Variants in SCTR observed in about 807,000 individuals in gnomAD.
SCTR encodes the protein secretin receptor.
A neutral mutation model predicts 60.8 loss-of-function variants in SCTR; 56 were observed. The ratio of observed to expected loss-of-function variants is 0.92; its 90% CI spans 0.74 to 1.15. SCTR has a LOEUF of 1.15. SCTR is among the 50% of genes most tolerant of loss of function. The pLI, the probability that SCTR is intolerant of heterozygous loss-of-function variation, is 0.00. For synonymous variants in SCTR, 202 were observed against 217.0 expected (o/e 0.93, Z 0.61); for missense variants, 562 against 550.4 (o/e 1.02, Z -0.21).
chr2:119,440,015 G>C lies in SCTR; in HGVS notation c.*102C>G, dbSNP rs946416810. On this transcript the variant is annotated 3_prime_UTR_variant, in exon 13 of 13. Coordinates refer to ENST00000019103, the MANE Select transcript of SCTR (RefSeq NM_002980.3). ...GGAGGGGCATCTTCAGCTGAAGGAG[G>C]ACACAGGGTGTCTGCTGGGAAGACT... The C allele has an allele frequency of 1.7e-5, 22 of 1,257,634 alleles. No homozygotes were observed. The highest frequency in any genetic ancestry group is 2.4e-5 in the Non-Finnish European group (22 of 903,126). 77.9% of individuals were successfully genotyped at this position (1,257,634 alleles called of 1,614,324 possible). A position where few individuals can be genotyped will look rare whatever the true frequency, so the allele number is the denominator to read the frequency against.
At chr2:119,482,863 G>A (rs1677691918) in intron 2 of SCTR, among the ~76,000 whole-genome samples, 1 of 152,212 alleles carries the variant, frequency 6.6e-6, no homozygotes, top group South Asian at 2.1e-4. Context: ...GGGTGACCCA[G>A]AGCCCTCTTT....
intron 1 of SCTR, among the ~76,000 whole-genome samples, chr2:119,523,296 G>T (rs896701398): frequency 1.4e-4 from 22 of 151,844 alleles, no homozygotes; most frequent in Non-Finnish European, 3.2e-4. Context: ...TGGTCTGGGT[G>T]GGGCCACTCT....
intron 2 of SCTR, among the ~76,000 whole-genome samples, chr2:119,488,296 C>T (rs544382586): frequency 1.8e-4 from 28 of 152,308 alleles, no homozygotes; most frequent in African/African-American, 5.3e-4. Context: ...TTGGTTCAGC[C>T]GCCAGGGCCT....
intron 6 of SCTR, among the ~76,000 whole-genome samples, chr2:119,463,295 A>T (rs536754081): frequency 6.6e-6 from 1 of 152,320 alleles, no homozygotes; most frequent in South Asian, 2.1e-4. Context: ...GTTTCTGGGG[A>T]AGGTGCCCTT....
intron 4 of SCTR, among the ~76,000 whole-genome samples, chr2:119,470,094 C>T (rs1428190887): frequency 1.3e-5 from 2 of 152,152 alleles, no homozygotes; most frequent in East Asian, 1.9e-4. Flanking sequence ...TCCAATAAAA[C>T]TTTATTTACA....
chr2:119,450,541 C>CAA (rs139528792), intron 9 of SCTR, among the ~76,000 whole-genome samples: 9 of 144,572 alleles, frequency 6.2e-5, no homozygotes, highest in African/African-American at 7.7e-5. Flanking sequence ...AACAAAAAAA[C>CAA]AAAAAAAAAA....
intron 1 of SCTR, among the ~76,000 whole-genome samples, chr2:119,503,120 G>C (rs112226457): frequency 0.098 from 13,595 of 139,390 alleles, 1,790 homozygotes; most frequent in African/African-American, 0.31. Flanking sequence ...GATAGCGCCA[G>C]TGCACTCCAG....
intron 1 of SCTR, among the ~76,000 whole-genome samples, chr2:119,520,233 G>A (rs1450848968): frequency 6.6e-6 from 1 of 152,186 alleles, no homozygotes; most frequent in Non-Finnish European, 1.5e-5. Flanking sequence ...GGGCATGGTG[G>A]CTCATACCCA....
chr2:119,468,577 T>G (rs1683932963), intron 4 of SCTR, among the ~76,000 whole-genome samples: 1 of 152,202 alleles, frequency 6.6e-6, no homozygotes, highest in Admixed American at 6.5e-5. Flanking sequence ...AAACACTCAG[T>G]GTATGGTAAT....
chr2:119,457,303 A>ACTTGT (rs1385069504), intron 7 of SCTR, among the ~76,000 whole-genome samples: 10 of 152,310 alleles, frequency 6.6e-5, no homozygotes, highest in South Asian at 4.1e-4. Context: ...ATTGTACACC[A>ACTTGT]CTTGTCTCAG....
chr2:119,512,291 C>A (rs1678974172), intron 1 of SCTR, among the ~76,000 whole-genome samples: 1 of 151,376 alleles, frequency 6.6e-6, no homozygotes, highest in African/African-American at 2.4e-5. Context: ...TCTTCGTGAT[C>A]TTCTTCCTCT....
chr2:119,473,759 C>T (rs1677136194), intron 3 of SCTR, among the ~76,000 whole-genome samples: 1 of 152,154 alleles, frequency 6.6e-6, no homozygotes, highest in Non-Finnish European at 1.5e-5. Flanking sequence ...GCTCCAGAGC[C>T]CAAGCTCTTA....
intron 2 of SCTR, among the ~76,000 whole-genome samples, chr2:119,482,363 G>A (rs532205678): frequency 9.2e-5 from 14 of 152,316 alleles, no homozygotes; most frequent in Non-Finnish European, 2.1e-4. Flanking sequence ...AAATCAGGAC[G>A]CCTGTGGGGG....
intron 9 of SCTR, among the ~76,000 whole-genome samples, chr2:119,449,440 G>A (rs1048815737): frequency 6.6e-6 from 1 of 152,070 alleles, no homozygotes; most frequent in Non-Finnish European, 1.5e-5. Context: ...AACTATGATT[G>A]GAAGAGAAAA....
intron 3 of SCTR, among the ~76,000 whole-genome samples, chr2:119,473,836 C>T (rs1677140095): frequency 6.6e-6 from 1 of 152,204 alleles, no homozygotes; most frequent in African/African-American, 2.4e-5. Flanking sequence ...CCAGGCCCTG[C>T]CACCGTTTAA....
chr2:119,444,023 C>T (rs183902229), intron 11 of SCTR, among the ~76,000 whole-genome samples: 6,592 of 151,120 alleles, frequency 0.044, 449 homozygotes, highest in African/African-American at 0.15. Flanking sequence ...ATGAAACAAA[C>T]AGGCCATGAG....
At chr2:119,460,535 C>CCTGAGGT (rs1473962731) in intron 7 of SCTR, among the ~76,000 whole-genome samples, 1 of 152,006 alleles carries the variant, frequency 6.6e-6, no homozygotes, top group East Asian at 1.9e-4. Flanking sequence ...TGGCTTGAAT[C>CCTGAGGT]CTGAGGTCTG....
chr2:119,477,896 A>G (rs1348148282), intron 3 of SCTR, among the ~76,000 whole-genome samples: 1 of 152,202 alleles, frequency 6.6e-6, no homozygotes, highest in African/African-American at 2.4e-5. Flanking sequence ...CCCATAGTGT[A>G]GGGTGTTGAG....
intron 1 of SCTR, among the ~76,000 whole-genome samples, chr2:119,499,901 G>T (rs1278185579): frequency 6.6e-6 from 1 of 152,050 alleles, no homozygotes; most frequent in East Asian, 1.9e-4. Context: ...AATATTGGAA[G>T]TCTTAGCCAA....
Sources: allele counts gnomAD v4.1 joint callset (sites outside exome capture counted in the v4.1 genomes callset), GRCh38; gene constraint gnomAD v4.1.1; transcripts MANE v1.5; gene names NCBI Gene and HGNC (gene_info 2026-07-23, HGNC 2026-07-21).